Variants in FAM3C observed in about 807,000 individuals in gnomAD.
The protein encoded by FAM3C is FAM3 metabolism regulating signaling molecule C.
FAM3C carries 15 observed loss-of-function variants against 32.5 expected under a neutral mutation model. The ratio of observed to expected loss-of-function variants is 0.46; its 90% confidence interval spans 0.31 to 0.71. The LOEUF is 0.71. Among genes scored for constraint, FAM3C ranks in the 30% least tolerant of loss-of-function variants. The pLI, the probability that FAM3C is intolerant of heterozygous loss-of-function variation, is 0.05. For missense variants in FAM3C, 175 were observed against 274.4 expected (o/e 0.64, Z 2.56); for synonymous variants, 75 against 86.1 (o/e 0.87, Z 0.72).
chr7:121,352,450 G>A (rs568926831), intron 8 of FAM3C, among the ~76,000 whole-genome samples: 3 of 152,308 alleles, frequency 2.0e-5, no homozygotes, highest in South Asian at 4.1e-4. Context: ...TGTCCACCTG[G>A]AGGAAGTTCA....
At chr7:121,353,996 C>T (rs1584688309) in intron 8 of FAM3C, among the ~76,000 whole-genome samples, 1 of 152,106 alleles carries the variant, frequency 6.6e-6, no homozygotes, top group Non-Finnish European at 1.5e-5. Flanking sequence ...AACAAGATGA[C>T]TTTGTCAATG....
At chr7:121,365,786 T>C (rs1239912152) in intron 5 of FAM3C, among the ~76,000 whole-genome samples, 1 of 152,080 alleles carries the variant, frequency 6.6e-6, no homozygotes, top group African/African-American at 2.4e-5. Context: ...AATATAATTA[T>C]ATAGGCAGTG....
intron 1 of FAM3C, among the ~76,000 whole-genome samples, chr7:121,394,089 G>A (rs917708786): frequency 1.3e-5 from 2 of 152,322 alleles, no homozygotes; most frequent in South Asian, 4.1e-4. Context: ...GTAGCTTTGT[G>A]AGTGCCCAGG....
intron 8 of FAM3C, among the ~76,000 whole-genome samples, chr7:121,357,897 A>C (rs1194118532): frequency 6.6e-6 from 1 of 152,174 alleles, no homozygotes; most frequent in Non-Finnish European, 1.5e-5. Context: ...TTTGATTCCC[A>C]TCAGGTATAA....
intron 8 of FAM3C, among the ~76,000 whole-genome samples, chr7:121,357,702 C>T (rs1049343663): frequency 5.9e-5 from 9 of 152,068 alleles, no homozygotes; most frequent in South Asian, 2.1e-4. Context: ...AGTGACCAAA[C>T]GTAAAGAAAT....
intron 6 of FAM3C, among the ~76,000 whole-genome samples, chr7:121,363,452 TGAA>T (rs1793966171): frequency 6.6e-6 from 1 of 152,076 alleles, no homozygotes; most frequent in Non-Finnish European, 1.5e-5. Flanking sequence ...CCTAAGGAAA[TGAA>T]GAAAGCAGAA....
At chr7:121,382,178 A>AG (rs1454229710) in intron 2 of FAM3C, among the ~76,000 whole-genome samples, 1 of 152,200 alleles carries the variant, frequency 6.6e-6, no homozygotes, top group Non-Finnish European at 1.5e-5. Flanking sequence ...TTTACTACAC[A>AG]GGAAGAGGTC....
intron 1 of FAM3C, among the ~76,000 whole-genome samples, chr7:121,393,424 G>T (rs769314757): frequency 6.6e-6 from 1 of 152,016 alleles, no homozygotes; most frequent in Non-Finnish European, 1.5e-5. Flanking sequence ...CAGAACAGTG[G>T]GGTACCCTGT....
intron 5 of FAM3C, among the ~76,000 whole-genome samples, chr7:121,370,489 A>G (rs1332787262): frequency 2.0e-5 from 3 of 152,176 alleles, no homozygotes; most frequent in African/African-American, 7.2e-5. Context: ...TTATTATTTT[A>G]TATTAAATTT....
chr7:121,360,171 T>A, intron 7 of FAM3C, 44 bp from the exon 8 acceptor site: 1 of 964,438 alleles, frequency 1.0e-6, no homozygotes, highest in Non-Finnish European at 1.7e-6. Context: ...AATGACTGAA[T>A]AAGCATCACG....
intron 5 of FAM3C, among the ~76,000 whole-genome samples, chr7:121,367,638 T>C (rs952932085): frequency 6.6e-6 from 1 of 152,166 alleles, no homozygotes; most frequent in African/African-American, 2.4e-5. Flanking sequence ...AATGAATATA[T>C]GCCTTAGATG....
chr7:121,362,814 A>G (rs1398189197), intron 7 of FAM3C, 83 bp downstream of exon 7: 19 of 750,172 alleles, frequency 2.5e-5, no homozygotes, highest in Admixed American at 2.3e-5. Flanking sequence ...TAGCATCATC[A>G]TTCTCTCATT....
chr7:121,361,232 T>C (rs1196906268), intron 7 of FAM3C, among the ~76,000 whole-genome samples: 11 of 152,240 alleles, frequency 7.2e-5, no homozygotes, highest in African/African-American at 2.7e-4. Flanking sequence ...GGGTTCCTTA[T>C]AGCTCTGAAG....
At chr7:121,386,391 T>C (rs1033369494) in intron 1 of FAM3C, among the ~76,000 whole-genome samples, 1 of 152,070 alleles carries the variant, frequency 6.6e-6, no homozygotes, top group Non-Finnish European at 1.5e-5. Context: ...TTCTAATAAG[T>C]AAGGGAGAAT....
chr7:121,353,169 C>A (rs1793741850), intron 8 of FAM3C, among the ~76,000 whole-genome samples: 1 of 152,148 alleles, frequency 6.6e-6, no homozygotes, highest in African/African-American at 2.4e-5. Context: ...AAATTCCCTG[C>A]AAAATAGAAG....
chr7:121,365,438 A>G (rs1380130642), intron 5 of FAM3C, among the ~76,000 whole-genome samples: 1 of 152,128 alleles, frequency 6.6e-6, no homozygotes, highest in African/African-American at 2.4e-5. Flanking sequence ...ATATTTTTCA[A>G]TTTAATCTGT....
At chr7:121,388,418 C>A (rs1336169092) in intron 1 of FAM3C, among the ~76,000 whole-genome samples, 3 of 151,836 alleles carry the variant, frequency 2.0e-5, no homozygotes, top group Non-Finnish European at 2.9e-5. Context: ...GGAACAAAAA[C>A]AAAATTGGGG....
chr7:121,387,114 T>C (rs968703463), intron 1 of FAM3C, among the ~76,000 whole-genome samples: 1 of 152,022 alleles, frequency 6.6e-6, no homozygotes, highest in African/African-American at 2.4e-5. Flanking sequence ...AACGAATGAG[T>C]CTAATTATAT....
At chr7:121,372,286 A>T in intron 3 of FAM3C, 147 bp from the exon 4 acceptor site, 1 of 551,692 alleles carries the variant, frequency 1.8e-6, no homozygotes, top group Non-Finnish European at 3.3e-6. Flanking sequence ...AAAAAGTGAG[A>T]AAGTAACTTC....
Sources: allele counts gnomAD v4.1 joint callset (sites outside exome capture counted in the v4.1 genomes callset), GRCh38; gene constraint gnomAD v4.1.1; transcripts MANE v1.5; gene names NCBI Gene and HGNC (gene_info 2026-07-23, HGNC 2026-07-21).